Variants in NAALADL2 observed in about 807,000 individuals in gnomAD.
NAALADL2 encodes N-acetylated alpha-linked acidic dipeptidase like 2.
NAALADL2 carries 76 observed loss-of-function variants against 87.2 expected under a neutral mutation model. The ratio of observed to expected loss-of-function variants is 0.87; its 90% CI spans 0.72 to 1.05. NAALADL2 has a LOEUF of 1.05. Among genes scored for constraint, NAALADL2 ranks in the 50% least tolerant of loss-of-function variants. The probability of loss-of-function intolerance (pLI) is 0.00; values close to 1 mark genes in which losing one functional copy is unlikely to be tolerated. For missense variants in NAALADL2, 1,089 were observed against 945.8 expected, an observed-to-expected ratio of 1.15 and a Z score of -1.99; for synonymous variants, 354 against 331.0, an observed-to-expected ratio of 1.07 and a Z score of -0.75.
At chr3:174,562,974 G>T (rs941248216) in intron 2 of NAALADL2, among the ~76,000 whole-genome samples, 2 of 151,954 alleles carry the variant, frequency 1.3e-5, no homozygotes, top group South Asian at 4.1e-4. Flanking sequence ...TATATTTCTG[G>T]ATGACTCAGT....
intron 2 of NAALADL2, among the ~76,000 whole-genome samples, chr3:175,105,781 T>A (rs1220720386): frequency 1.3e-5 from 2 of 151,862 alleles, no homozygotes; most frequent in African/African-American, 2.4e-5. Context: ...TACATAAAGG[T>A]GAGCTGGATG....
At chr3:175,564,374 T>C (rs1716775185) in intron 9 of NAALADL2, among the ~76,000 whole-genome samples, 1 of 151,576 alleles carries the variant, frequency 6.6e-6, no homozygotes, top group South Asian at 2.1e-4. Context: ...CTGCTTCATC[T>C]ACAGAAGATT....
At chr3:174,823,657 A>C (rs1721662848) in intron 3 of NAALADL2, among the ~76,000 whole-genome samples, 1 of 152,314 alleles carries the variant, frequency 6.6e-6, no homozygotes, top group South Asian at 2.1e-4. Flanking sequence ...TATTATAAGG[A>C]AAGAAAACTT....
intron 1 of NAALADL2, among the ~76,000 whole-genome samples, chr3:175,090,326 T>C (rs2108313355): frequency 6.6e-6 from 1 of 152,110 alleles, no homozygotes; most frequent in Non-Finnish European, 1.5e-5. Flanking sequence ...TGGTTCATAC[T>C]AATCAGCTCT....
chr3:175,176,875 C>T (rs1735774232), intron 2 of NAALADL2, among the ~76,000 whole-genome samples: 1 of 152,036 alleles, frequency 6.6e-6, no homozygotes, highest in Non-Finnish European at 1.5e-5. Flanking sequence ...ATCAGTGTCG[C>T]ATTTCTGACC....
At chr3:175,778,817 C>T (rs3119997) in intron 13 of NAALADL2, among the ~76,000 whole-genome samples, 7 of 151,820 alleles carry the variant, frequency 4.6e-5, no homozygotes, top group South Asian at 2.1e-4. Context: ...TTGTCTTGTA[C>T]GGGTAAGGGA....
chr3:175,719,783 A>G (rs1423920016), intron 11 of NAALADL2, among the ~76,000 whole-genome samples: 3 of 152,218 alleles, frequency 2.0e-5, no homozygotes, highest in Non-Finnish European at 4.4e-5. Flanking sequence ...TATAAACAAC[A>G]GAAATTTATG....
intron 1 of NAALADL2, among the ~76,000 whole-genome samples, chr3:174,522,661 GCAGTGGCT>G (rs1193123299): frequency 6.6e-6 from 1 of 151,920 alleles, no homozygotes; most frequent in Non-Finnish European, 1.5e-5. Context: ...AAGGCCGGGT[GCAGTGGCT>G]CACACCTGTA....
chr3:175,260,514 C>A (rs1425884531), intron 4 of NAALADL2, among the ~76,000 whole-genome samples: 1 of 152,092 alleles, frequency 6.6e-6, no homozygotes, highest in African/African-American at 2.4e-5. Flanking sequence ...ATGATTACGG[C>A]CCAATTTGCT....
intron 2 of NAALADL2, among the ~76,000 whole-genome samples, chr3:174,685,121 C>G (rs533820366): frequency 6.6e-6 from 1 of 152,164 alleles, no homozygotes; most frequent in East Asian, 1.9e-4. Flanking sequence ...AAATGTATAT[C>G]CTACGCTCAG....
chr3:175,573,886 T>A (rs1038595583), intron 9 of NAALADL2, among the ~76,000 whole-genome samples: 1 of 149,220 alleles, frequency 6.7e-6, no homozygotes, highest in African/African-American at 2.5e-5. Context: ...GTAAAAACAT[T>A]CTTTTTCTAT....
intron 1 of NAALADL2, among the ~76,000 whole-genome samples, chr3:174,456,512 A>G (rs995408003): frequency 2.0e-5 from 3 of 152,044 alleles, no homozygotes; most frequent in African/African-American, 7.2e-5. Context: ...CACTGGTACA[A>G]ACCCAGACAC....
intron 2 of NAALADL2, among the ~76,000 whole-genome samples, chr3:175,191,963 G>T (rs1181022395): frequency 6.6e-6 from 1 of 151,888 alleles, no homozygotes; most frequent in African/African-American, 2.4e-5. Flanking sequence ...AAACACATTT[G>T]TTCTCCCCAA....
intron 2 of NAALADL2, among the ~76,000 whole-genome samples, chr3:174,565,365 A>G (rs1364395334): frequency 6.6e-6 from 1 of 151,878 alleles, no homozygotes; most frequent in African/African-American, 2.4e-5. Context: ...GCAATCACTG[A>G]TTTTTTTACC....
intron 11 of NAALADL2, among the ~76,000 whole-genome samples, chr3:175,711,457 CAATTA>C (rs1740520122): frequency 6.6e-6 from 1 of 151,730 alleles, no homozygotes; most frequent in South Asian, 2.1e-4. Context: ...AGTTTGAGGG[CAATTA>C]AATTATATGT....
At chr3:174,897,835 C>T (rs985370968) in intron 1 of NAALADL2, among the ~76,000 whole-genome samples, 21 of 138,064 alleles carry the variant, frequency 1.5e-4, no homozygotes, top group Admixed American at 1.2e-3. Flanking sequence ...TGAGATCGGC[C>T]GGGCGCGGTG....
At chr3:174,913,879 T>A (rs1407877987) in intron 1 of NAALADL2, among the ~76,000 whole-genome samples, 1 of 152,090 alleles carries the variant, frequency 6.6e-6, no homozygotes, top group Non-Finnish European at 1.5e-5. Context: ...TAGAAAATGT[T>A]AGTCTTATCT....
chr3:175,788,155 A>G lies in NAALADL2; in HGVS notation c.2190-14850A>G, dbSNP rs150000879. Among the ~76,000 whole-genome samples the G allele has an allele frequency of 6.4e-3, 872 of 136,086 alleles. 9 individuals carry two copies. Among genetic ancestry groups the G allele is most frequent in the African/African-American group, 0.023 (828 of 35,378 alleles). 89.3% of individuals were successfully genotyped at this position (136,086 alleles called of 152,430 possible). A position where few individuals can be genotyped will look rare whatever the true frequency, so the allele number is the denominator to read the frequency against. The stretch of plus-strand genomic sequence containing the variant: ...TCACCTAGGCAGGAGTGCAAGTGGT[A>G]TGATCTGGGCTCACTGCATCCTTGA... On this transcript the variant is annotated intron_variant, in intron 13 of 13. Coordinates refer to ENST00000454872, the MANE Select transcript of NAALADL2 (RefSeq NM_207015.3).
chr3:175,713,873 C>G (rs1398924607), intron 11 of NAALADL2, among the ~76,000 whole-genome samples: 2 of 152,074 alleles, frequency 1.3e-5, no homozygotes, highest in African/African-American at 4.8e-5. Flanking sequence ...AATGCTACCC[C>G]TTCTCTAGCC....
Sources: allele counts gnomAD v4.1 joint callset (sites outside exome capture counted in the v4.1 genomes callset), GRCh38; gene constraint gnomAD v4.1.1; transcripts MANE v1.5; gene names NCBI Gene and HGNC (gene_info 2026-07-23, HGNC 2026-07-21).